Variants in ZNF724 observed in about 807,000 individuals in gnomAD.
ZNF724 encodes the protein zinc finger protein 724 pseudogene.
ZNF724 carries 14 observed loss-of-function variants against 29.3 expected under a neutral mutation model. The ratio of observed to expected loss-of-function variants is 0.48; its 90% confidence interval spans 0.32 to 0.75. The LOEUF is 0.75. Ranked by LOEUF, ZNF724 falls within the 30% of genes least tolerant of loss-of-function variation. The pLI, the probability that ZNF724 is intolerant of heterozygous loss-of-function variation, is 0.04. For synonymous variants in ZNF724, 180 were observed against 193.6 expected (o/e 0.93, Z 0.58); for missense variants, 557 against 571.2 (o/e 0.98, Z 0.25).
At chr19:23,224,993 A>C (rs1040768164) in intron 3 of ZNF724, among the ~76,000 whole-genome samples, 6 of 151,510 alleles carry the variant, frequency 4.0e-5, no homozygotes, top group South Asian at 2.1e-4. Context: ...CAAAAAAAAA[A>C]CCCCACCAAA....
intron 1 of ZNF724, among the ~76,000 whole-genome samples, chr19:23,234,967 C>T (rs1972000877): frequency 6.6e-6 from 1 of 152,202 alleles, no homozygotes; most frequent in Admixed American, 6.5e-5. Context: ...TGTCACAACA[C>T]AAATACTTCC....
At chr19:23,237,772 C>A (rs2145786135) in intron 1 of ZNF724, among the ~76,000 whole-genome samples, 1 of 148,740 alleles carries the variant, frequency 6.7e-6, no homozygotes, top group Admixed American at 6.8e-5. Context: ...AAGTTGTCTA[C>A]AAACACTACA....
chr19:23,246,030 GAACT>G (rs1372460584), intron 1 of ZNF724, among the ~76,000 whole-genome samples: 1 of 152,090 alleles, frequency 6.6e-6, no homozygotes. Context: ...TCCCCAGGAA[GAACT>G]AACTGGGCCT....
chr19:23,238,677 G>A (rs1275127400), intron 1 of ZNF724, among the ~76,000 whole-genome samples: 1 of 152,172 alleles, frequency 6.6e-6, no homozygotes, highest in East Asian at 1.9e-4. Flanking sequence ...CACTCTACGA[G>A]GCCGAGGTGG....
intron 1 of ZNF724, among the ~76,000 whole-genome samples, chr19:23,249,157 A>C (rs1205692332): frequency 6.6e-6 from 1 of 151,922 alleles, no homozygotes; most frequent in Non-Finnish European, 1.5e-5. Flanking sequence ...CCTCTTATAA[A>C]CCAAAAACTA....
chr19:23,228,916 T>G (rs1358807425), intron 3 of ZNF724, among the ~76,000 whole-genome samples: 1 of 150,688 alleles, frequency 6.6e-6, no homozygotes, highest in Non-Finnish European at 1.5e-5. Context: ...AAAAAAAAAT[T>G]TTCCGGGCAT....
intron 1 of ZNF724, among the ~76,000 whole-genome samples, chr19:23,249,363 C>A (rs376532286): frequency 6.6e-6 from 1 of 151,556 alleles, no homozygotes. Context: ...GCCTCAGCCT[C>A]CCGAGTGGCT....
At chr19:23,245,361 C>T (rs927635587) in intron 1 of ZNF724, among the ~76,000 whole-genome samples, 66 of 152,198 alleles carry the variant, frequency 4.3e-4, no homozygotes, top group African/African-American at 1.5e-3. Context: ...CGCCTGTAAT[C>T]CCAGCACTTT....
chr19:23,223,586 T>G lies in ZNF724; in HGVS notation c.659A>C (p.His220Pro), dbSNP rs1260791114. Residue 220 changes from histidine (H) to proline (P), a missense_variant, in exon 4 of 4, where the codon CAT becomes CCT. By Grantham distance (77) the His-to-Pro change is moderately conservative. Coordinates refer to ENST00000418100, the MANE Select transcript of ZNF724 (RefSeq NM_001355404.2). ...ACATTTGTAGTGTTTTTGTCCTGTA[T>G]GAATTCTCTTATGTTGAGAAAGGGT... is the stretch of plus-strand genomic sequence containing the variant. Reference protein sequence around the residue: ...SSTLSQHKRIHTGQKHYKCEE... With the variant: ...SSTLSQHKRIPTGQKHYKCEE... 2.8e-6 allele frequency: 2 copies of G among 719,288 alleles called. No homozygotes were observed. The highest frequency in any genetic ancestry group is 5.2e-6 in the Non-Finnish European group (2 of 388,022). 44.6% of individuals were successfully genotyped at this position (719,288 alleles called of 1,614,324 possible). A position where few individuals can be genotyped will look rare whatever the true frequency, so the allele number is the denominator to read the frequency against.
At chr19:23,234,410 A>T (rs969481827) in intron 1 of ZNF724, among the ~76,000 whole-genome samples, 1 of 152,160 alleles carries the variant, frequency 6.6e-6, no homozygotes, top group African/African-American at 2.4e-5. Flanking sequence ...CCACCAACCT[A>T]ATAGAAGTCC....
At position 23,222,491 on chromosome 19, in the gene ZNF724, G is replaced by T; in HGVS notation, c.1754C>A (p.Thr585Asn). 7.6e-7 allele frequency: 1 copy of T among 1,309,326 alleles called. No individual in the cohort carries two copies. Among genetic ancestry groups the T allele is most frequent in the Non-Finnish European group, 1.1e-6 (1 of 903,778 alleles). 81.1% of individuals were successfully genotyped at this position (1,309,326 alleles called of 1,614,324 possible). A position where few individuals can be genotyped will look rare whatever the true frequency, so the allele number is the denominator to read the frequency against. ...STLTKHKVIH[T>N]GEKPYKCKEC... is the part of the protein sequence containing the mutation. ...TTTACATTTGTAGGGTTTCTCTCCA[G>T]TATGAATTACCTTATGTTTAGTCAG... Residue 585 changes from threonine to asparagine, a missense_variant, in exon 4 of 4, where the codon ACT becomes AAT. Coordinates refer to ENST00000418100, the MANE Select transcript of ZNF724 (RefSeq NM_001355404.2).
chr19:23,224,328 G>A (rs1283299058), intron 3 of ZNF724, among the ~76,000 whole-genome samples: 1 of 152,000 alleles, frequency 6.6e-6, no homozygotes, highest in Admixed American at 6.6e-5. Flanking sequence ...CAGAAGAATC[G>A]CTTGAACCTG....
chr19:23,246,390 A>G (rs1972234831), intron 1 of ZNF724, among the ~76,000 whole-genome samples: 1 of 152,094 alleles, frequency 6.6e-6, no homozygotes, highest in East Asian at 1.9e-4. Flanking sequence ...GGCGCAGTGG[A>G]TCACACCTGT....
At position 23,232,254 on chromosome 19, in the gene ZNF724, C is replaced by T. The variant is rs1002065872; in HGVS notation, c.43G>A (p.Val15Met). ...TFMDVAIEFS[V>M]EEWQCLDTAQ... ...GTGTCCAGGCATTGCCACTCCTCCACAGAGAATTCTATGGCCACATCCATA... is the reference window on the plus strand; with the variant it reads ...GTGTCCAGGCATTGCCACTCCTCCATAGAGAATTCTATGGCCACATCCATA... The change falls in exon 2 of 4, where the codon GTG becomes ATG. Residue 15 changes from valine to methionine, a missense_variant. Coordinates refer to ENST00000418100, the MANE Select transcript of ZNF724 (RefSeq NM_001355404.2). 2 of 1,273,094 alleles carry T rather than the reference C, an allele frequency of 1.6e-6. No individual in the cohort carries two copies. Among genetic ancestry groups the T allele is most frequent in the Non-Finnish European group, 2.3e-6 (2 of 869,418 alleles). The allele number at this position is 1,273,094 out of a possible 1,614,324, so 78.9% of individuals were successfully genotyped here. A position where few individuals can be genotyped will look rare whatever the true frequency, so the allele number is the denominator to read the frequency against.
rs1368499464 is a variant in ZNF724 at position 23,231,279 on chromosome 19, C to CACCA, written c.209_212dup (p.Ala72GlyfsTer34). Reference sequence around the variant, plus strand: ...ACTCTCACCTACCTGGGGGTTTGGCCACCATCTCATGTCTCTCCATATTCC... The same window carrying CACCA: ...ACTCTCACCTACCTGGGGGTTTGGCCACCAACCATCTCATGTCTCTCCATATTCC... On this transcript the variant is annotated frameshift_variant, in exon 3 of 4. Coordinates refer to ENST00000418100, the MANE Select transcript of ZNF724 (RefSeq NM_001355404.2). LOFTEE classifies it low-confidence loss of function (END_TRUNC). The CACCA allele has an allele frequency of 7.4e-7, 1 of 1,356,188 alleles. No homozygotes were observed. Among genetic ancestry groups the CACCA allele is most frequent in the South Asian group, 1.2e-5 (1 of 84,518 alleles). 84.0% of individuals were successfully genotyped at this position (1,356,188 alleles called of 1,614,324 possible).
chr19:23,241,031 T>TCAACAA (rs759872431), intron 1 of ZNF724, among the ~76,000 whole-genome samples: 8 of 151,470 alleles, frequency 5.3e-5, no homozygotes, highest in African/African-American at 1.9e-4. Context: ...AGACTCCATC[T>TCAACAA]CAACAACAAC....
chr19:23,222,354 G>C lies in ZNF724; in HGVS notation c.*31C>G. 1 of 875,904 alleles carries C rather than the reference G, an allele frequency of 1.1e-6. No individual in the cohort carries two copies. Among genetic ancestry groups the C allele is most frequent in the Non-Finnish European group, 1.8e-6 (1 of 554,398 alleles). The allele number at this position is 875,904 out of a possible 1,614,324, so 54.3% of individuals were successfully genotyped here. On this transcript the variant is annotated 3_prime_UTR_variant, in exon 4 of 4. Coordinates refer to ENST00000418100, the MANE Select transcript of ZNF724 (RefSeq NM_001355404.2). The stretch of plus-strand genomic sequence containing the variant: ...GGCCTCCCAAAGTGCTGGGATTACA[G>C]GTGTGAGCCACCACGCCTGGTCCAT...
At chr19:23,247,269 TG>T (rs1302752136) in intron 1 of ZNF724, among the ~76,000 whole-genome samples, 1 of 152,040 alleles carries the variant, frequency 6.6e-6, no homozygotes, top group Non-Finnish European at 1.5e-5. Context: ...AAACTCACAG[TG>T]GGGAAAAAAA....
At chr19:23,230,882 T>C (rs1029512977) in intron 3 of ZNF724, 1 of 152,884 alleles carries the variant, frequency 6.5e-6, no homozygotes, top group South Asian at 2.1e-4. Flanking sequence ...TTTTTATTCG[T>C]TTATTTATTT....
Sources: gnomAD v4.1 joint callset for allele counts (sites outside exome capture counted in the v4.1 genomes callset) on GRCh38, gnomAD v4.1.1 for gene constraint, MANE v1.5 for transcripts, NCBI Gene and HGNC (gene_info 2026-07-23, HGNC 2026-07-21) for gene names.